MEF2A: variants seen among roughly 807,000 people sequenced by gnomAD.
The protein encoded by MEF2A is myocyte enhancer factor 2A.
MEF2A carries 28 observed loss-of-function variants against 55.8 expected under a neutral mutation model. The observed-to-expected ratio is 0.50, with a 90% CI of 0.37 to 0.69. The LOEUF (loss-of-function observed/expected upper bound fraction) is 0.69, where lower values mean the gene tolerates loss of function less well. Ranked by LOEUF, MEF2A falls within the 30% of genes least tolerant of loss-of-function variation. The pLI is 0.00. For synonymous variants in MEF2A, 239 were observed against 227.1 expected (o/e 1.05, Z -0.47); for missense variants, 528 against 626.2 (o/e 0.84, Z 1.67).
chr15:99,657,119 GCT>G lies in MEF2A; in HGVS notation c.258+11356_258+11357del, dbSNP rs570510712. Among the ~76,000 whole-genome samples the G allele has an allele frequency of 2.2e-4, 34 of 152,152 alleles. 1 individual carries two copies. In the Middle Eastern group the frequency reaches 0.01, roughly 46 times the overall value. On this transcript the variant is annotated intron_variant, in intron 4 of 11. Coordinates refer to ENST00000557942, the MANE Select transcript of MEF2A (RefSeq NM_001319206.4). ...GTTTTCAAGGTCCATCCGTATGGTA[GCT>G]GTATCAGTCCTTCATTCTGTGACCA...
At chr15:99,631,876 C>T (rs926022112) in intron 2 of MEF2A, among the ~76,000 whole-genome samples, 3 of 152,112 alleles carry the variant, frequency 2.0e-5, no homozygotes, top group African/African-American at 7.2e-5. Context: ...GAGCAAAAGC[C>T]AGATTTAATC....
Position 99,708,624 on chromosome 15 carries a change from A to G in MEF2A, c.1009+1769A>G, listed in dbSNP as rs143360894. Among the ~76,000 whole-genome samples the G allele has an allele frequency of 6.4e-4, 97 of 152,256 alleles. 1 individual carries two copies. The highest frequency in any genetic ancestry group is 4.3e-3 in the South Asian group (21 of 4,828). On this transcript the variant is annotated intron_variant, in intron 10 of 11. Coordinates refer to ENST00000557942, the MANE Select transcript of MEF2A (RefSeq NM_001319206.4). The stretch of plus-strand genomic sequence containing the variant: ...TTGTTTTTAACTTATTTCCACATCT[A>G]TTCAGCAAATATTTATCAGGCAGCT...
In MEF2A at chr15:99,712,530, AGCAGCAGCCGCC is replaced by A. The variant is rs750513175; in HGVS notation, c.1280_1291del (p.Gln427_Pro430del). The A allele has an allele frequency of 6.5e-7, 1 of 1,546,222 alleles. No individual in the cohort carries two copies. The highest frequency in any genetic ancestry group is 1.2e-5 in the South Asian group (1 of 83,708). On this transcript the variant is annotated inframe_deletion, in exon 12 of 12. Transcript: ENST00000557942. The surrounding 1 kb of genome is among the most constrained non-coding windows in gnomAD (Gnocchi z 4.1). ...CAGCAGCAGCAGCAGCAGCAGCAGC[AGCAGCAGCCGCC>A]GCCACCACCGCAGCCCCAGCCACAA...
At chr15:99,663,770 TA>T (rs1238737307) in intron 4 of MEF2A, among the ~76,000 whole-genome samples, 1 of 151,990 alleles carries the variant, frequency 6.6e-6, no homozygotes, top group African/African-American at 2.4e-5. Context: ...TCAACATACT[TA>T]AAAAAAAGTT....
At chr15:99,622,697 C>CTTT (rs773855602) in intron 2 of MEF2A, among the ~76,000 whole-genome samples, 1 of 64,184 alleles carries the variant, frequency 1.6e-5, no homozygotes, top group South Asian at 9.2e-4. Context: ...AGGATGTTTT[C>CTTT]TTTTCTTTTT....
intron 1 of MEF2A, among the ~76,000 whole-genome samples, chr15:99,578,013 A>G (rs1015595307): frequency 5.9e-5 from 9 of 152,240 alleles, no homozygotes; most frequent in African/African-American, 1.9e-4. Context: ...TTAAGGTAAT[A>G]TCTGCTGATC....
chr15:99,652,358 T>TG (rs1303591434), intron 4 of MEF2A, among the ~76,000 whole-genome samples: 1 of 152,186 alleles, frequency 6.6e-6, no homozygotes, highest in African/African-American at 2.4e-5. Context: ...CTGCTGCTGA[T>TG]GTGACGGGAG....
intron 4 of MEF2A, among the ~76,000 whole-genome samples, chr15:99,668,148 C>T (rs1317761762): frequency 6.6e-6 from 1 of 152,034 alleles, no homozygotes; most frequent in Non-Finnish European, 1.5e-5. Context: ...GCTTAACTGA[C>T]CCTCCAAAAA....
At position 99,712,307 on chromosome 15, in the gene MEF2A, A is replaced by G; in HGVS notation, c.1137-83A>G. 6.9e-7 allele frequency: 1 copy of G among 1,442,754 alleles called. No individual in the cohort carries two copies. Among genetic ancestry groups the G allele is most frequent in the East Asian group, 2.5e-5 (1 of 39,952 alleles). 89.4% of individuals were successfully genotyped at this position (1,442,754 alleles called of 1,614,324 possible). ...GATTTCAGACTCTGGGCCCTTTTCC[A>G]TCAGGCAGTGTCTCTACTGTATCAT... On this transcript the variant is annotated intron_variant, in intron 11 of 11. Coordinates refer to ENST00000557942, the MANE Select transcript of MEF2A (RefSeq NM_001319206.4). This position sits in a 1 kb window ranked among gnomAD's most constrained non-coding sequence, Gnocchi z 4.1.
In MEF2A at chr15:99,635,831, T is replaced by C. The variant is rs568444175; in HGVS notation, c.54+2658T>C. On this transcript the variant is annotated intron_variant, in intron 3 of 11. Transcript: ENST00000557942. ...CAATTTATGTATTTACTTTTTTCTA[T>C]TGTAAATGGACATTTGGATTGTTTT... 3.3e-5 allele frequency among the ~76,000 whole-genome samples: 5 copies of C among 152,376 alleles called. No homozygotes were observed. In the South Asian group the frequency reaches 1.0e-3, roughly 32 times the overall value.
At chr15:99,698,715 C>A (rs2056894389) in intron 8 of MEF2A, among the ~76,000 whole-genome samples, 1 of 151,878 alleles carries the variant, frequency 6.6e-6, no homozygotes, top group Admixed American at 6.6e-5. Flanking sequence ...TCGCTTGAAC[C>A]CAGGAGGCAA....
chr15:99,691,152 A>G (rs1358924775), intron 8 of MEF2A, among the ~76,000 whole-genome samples: 1 of 147,100 alleles, frequency 6.8e-6, no homozygotes, highest in African/African-American at 2.5e-5. Context: ...AGTAGCCAAG[A>G]AAGAAGGAAG....
At chr15:99,686,620 C>T (rs76730330) in intron 7 of MEF2A, among the ~76,000 whole-genome samples, 5,847 of 152,176 alleles carry the variant, frequency 0.038, 354 homozygotes, top group African/African-American at 0.13. Context: ...TTGTTGGTTA[C>T]CTGATGCTTT....
intron 7 of MEF2A, among the ~76,000 whole-genome samples, chr15:99,682,227 A>T (rs928757300): frequency 2.6e-5 from 4 of 152,214 alleles, no homozygotes; most frequent in Admixed American, 6.5e-5. Context: ...AGCCAGACTG[A>T]TGGAATTGAC....
chr15:99,601,847 GTGTGTGTGTGTC>G (rs200877699), intron 2 of MEF2A, among the ~76,000 whole-genome samples: 36,078 of 110,200 alleles, frequency 0.33, 5,029 homozygotes, highest in Middle Eastern at 0.48. Context: ...GTGTGTGTGT[GTGTGTGTGTGTC>G]AGGGTAATGC....
chr15:99,590,825 CATT>C (rs1969019459), intron 1 of MEF2A, among the ~76,000 whole-genome samples: 1 of 152,012 alleles, frequency 6.6e-6, no homozygotes, highest in South Asian at 2.1e-4. Flanking sequence ...TATTACCATA[CATT>C]ATTACTACTT....
At chr15:99,606,984 G>A (rs1320392093) in intron 2 of MEF2A, among the ~76,000 whole-genome samples, 1 of 152,130 alleles carries the variant, frequency 6.6e-6, no homozygotes, top group Non-Finnish European at 1.5e-5. Context: ...CTTTACAGCT[G>A]TAAAAATGGA....
At chr15:99,600,301 A>T (rs1972551268) in intron 2 of MEF2A, among the ~76,000 whole-genome samples, 1 of 152,122 alleles carries the variant, frequency 6.6e-6, no homozygotes, top group Non-Finnish European at 1.5e-5. Context: ...ATCCTTCATG[A>T]CGGGCCTTCT....
chr15:99,612,789 C>A (rs928479305), intron 2 of MEF2A, among the ~76,000 whole-genome samples: 7 of 152,150 alleles, frequency 4.6e-5, no homozygotes, highest in Non-Finnish European at 8.8e-5. Flanking sequence ...AGGGGTCTTA[C>A]TTAATAGTTA....
Sources: gnomAD v4.1 joint callset for allele counts (sites outside exome capture counted in the v4.1 genomes callset) on GRCh38, gnomAD v4.1.1 for gene constraint, Gnocchi (gnomAD v3.1) non-coding constraint, MANE v1.5 for transcripts, NCBI Gene and HGNC (gene_info 2026-07-23, HGNC 2026-07-21) for gene names.